Variants in OLAH observed in about 807,000 individuals in gnomAD.
OLAH encodes oleoyl-ACP hydrolase.
In OLAH, 33 loss-of-function variants were observed where a neutral mutation model predicts 27.8. That is an observed-to-expected ratio of 1.19 (90% CI 0.90 to 1.59). OLAH has a LOEUF of 1.59. OLAH is among the 40% of genes most tolerant of loss of function. OLAH has a pLI of 0.00. For synonymous variants in OLAH, 120 were observed against 102.9 expected (o/e 1.17, Z -1.01); for missense variants, 359 against 310.8 (o/e 1.16, Z -1.17).
Position 15,065,665 on chromosome 10 carries a change from AC to A in OLAH, c.489del (p.Lys164SerfsTer10), listed in dbSNP as rs774581354. On this transcript the variant is annotated frameshift_variant, in exon 6 of 8. Coordinates refer to ENST00000378228, the MANE Select transcript of OLAH (RefSeq NM_001039702.3). LOFTEE classifies it high-confidence loss of function. ...TCATTACCTTATGGAATTTGGAGGC[AC>A]CCCCAAGCATTTTGCTGAAGCCAAG... ...ISHYLMEFGGTPKHFAEAKEF... is the reference protein window; with the variant it reads ...ISHYLMEFGGXPKHFAEAKEF... 5 of 1,614,120 alleles carry A rather than the reference AC, an allele frequency of 3.1e-6. No homozygotes were observed. The highest frequency in any genetic ancestry group is 4.2e-6 in the Non-Finnish European group (5 of 1,179,980).
At chr10:15,064,604 G>A (rs1844431081) in intron 5 of OLAH, 102 bp downstream of exon 5, 1 of 643,554 alleles carries the variant, frequency 1.6e-6, no homozygotes, top group Non-Finnish European at 2.6e-6. Flanking sequence ...GGTCCAGTAT[G>A]ATGATGATGG....
chr10:15,070,528 A>C (rs778537880), intron 6 of OLAH, among the ~76,000 whole-genome samples: 15 of 152,192 alleles, frequency 9.9e-5, no homozygotes, highest in South Asian at 2.1e-4. Flanking sequence ...CTTGTTGACC[A>C]GGCTGGAGTG....
At chr10:15,040,687 T>C (rs1052717060), upstream of OLAH, among the ~76,000 whole-genome samples, 11 of 152,076 alleles carry the variant, frequency 7.2e-5, no homozygotes, top group Admixed American at 7.2e-4. Flanking sequence ...ATTCATTTAT[T>C]GTTCATTCCA....
intron 3 of OLAH, chr10:15,056,998 T>C (rs1844259332): frequency 2.9e-6 from 4 of 1,402,750 alleles, no homozygotes; most frequent in Non-Finnish European, 3.8e-6. Flanking sequence ...TTTTTTGTGT[T>C]GAAAATGTCT....
chr10:15,069,156 G>C (rs1347346807), intron 6 of OLAH, among the ~76,000 whole-genome samples: 3 of 152,076 alleles, frequency 2.0e-5, no homozygotes, highest in East Asian at 3.9e-4. Flanking sequence ...CCCGTGCCTG[G>C]GTTCTGTGAG....
chr10:15,055,998 T>A lies in OLAH; in HGVS notation c.164-5726T>A, dbSNP rs919020500. Among the ~76,000 whole-genome samples, 3 of 152,082 alleles carry A rather than the reference T, an allele frequency of 2.0e-5. No homozygotes were observed. The East Asian group carries it at 5.8e-4, about 29-fold the overall frequency. ...CCAAGTATCTGGGATTATAGGCATG[T>A]ACCACTATGCCCAGCTAATTTTTGT... On this transcript the variant is annotated intron_variant, in intron 3 of 7. Transcript: ENST00000378228.
intron 3 of OLAH, among the ~76,000 whole-genome samples, chr10:15,056,287 C>T (rs1357504444): frequency 6.6e-6 from 1 of 151,902 alleles, no homozygotes; most frequent in East Asian, 1.9e-4. Context: ...TTATACATGT[C>T]TTCTTATATA....
chr10:15,035,751 G>A (rs1229625760), intron 1 of OLAH, among the ~76,000 whole-genome samples: 3 of 152,186 alleles, frequency 2.0e-5, no homozygotes, highest in African/African-American at 7.2e-5. Context: ...GGGAAGCACA[G>A]AGGTAGATCT....
intron 3 of OLAH, among the ~76,000 whole-genome samples, chr10:15,058,275 T>C (rs1235398504): frequency 5.3e-5 from 8 of 152,200 alleles, no homozygotes; most frequent in Non-Finnish European, 7.3e-5. Flanking sequence ...AAGTTTTTCG[T>C]GCACATGGGG....
intron 7 of OLAH, 84 bp from the exon 8 acceptor site, chr10:15,073,003 T>G (rs1402051283): frequency 7.6e-7 from 1 of 1,310,882 alleles, no homozygotes. Context: ...CTTCAGGGTG[T>G]CAGCTCTTAA....
At chr10:15,037,086 A>T (rs1354033078) in intron 1 of OLAH, among the ~76,000 whole-genome samples, 1 of 151,930 alleles carries the variant, frequency 6.6e-6, no homozygotes, top group Non-Finnish European at 1.5e-5. Flanking sequence ...CTCAAAATAA[A>T]TAAATCAACA....
upstream of OLAH, among the ~76,000 whole-genome samples, chr10:15,041,376 C>G (rs1295445240): frequency 1.3e-5 from 2 of 150,078 alleles, no homozygotes; most frequent in African/African-American, 2.5e-5. Flanking sequence ...CCTCCCAGGT[C>G]CAAGCGATTC....
At chr10:15,034,824 C>T (rs1374909403) in intron 1 of OLAH, among the ~76,000 whole-genome samples, 4 of 132,284 alleles carry the variant, frequency 3.0e-5, no homozygotes, top group African/African-American at 8.7e-5. Flanking sequence ...TTTTTTGAGA[C>T]GGGTCTTGCT....
intron 3 of OLAH, among the ~76,000 whole-genome samples, chr10:15,061,147 C>T (rs1314116488): frequency 6.6e-6 from 1 of 152,124 alleles, no homozygotes; most frequent in African/African-American, 2.4e-5. Context: ...TGCATAAATA[C>T]AAGGCTTTGT....
intron 3 of OLAH, among the ~76,000 whole-genome samples, chr10:15,058,956 C>T (rs865974888): frequency 7.7e-4 from 100 of 130,012 alleles, no homozygotes; most frequent in East Asian, 1.2e-3. Flanking sequence ...CCCTTCCCTC[C>T]CTCCTTCCCT....
intron 3 of OLAH, among the ~76,000 whole-genome samples, chr10:15,059,709 G>A (rs112207302): frequency 0.014 from 2,124 of 152,272 alleles, 17 homozygotes; most frequent in Non-Finnish European, 0.022. Context: ...GGGAGGGTGA[G>A]GCAGGAGAAT....
chr10:15,055,122 G>A (rs574750992), intron 3 of OLAH, among the ~76,000 whole-genome samples: 8 of 152,182 alleles, frequency 5.3e-5, no homozygotes, highest in African/African-American at 1.9e-4. Context: ...ATGCCACCAC[G>A]CCCGGCTAAT....
intron 6 of OLAH, among the ~76,000 whole-genome samples, chr10:15,066,736 G>T: frequency 6.6e-6 from 1 of 151,934 alleles, no homozygotes; most frequent in East Asian, 1.9e-4. Flanking sequence ...CGTCTTCCAG[G>T]TTCAAGCGAT....
intron 1 of OLAH, among the ~76,000 whole-genome samples, chr10:15,044,468 A>G (rs1375343367): frequency 6.6e-6 from 1 of 150,444 alleles, no homozygotes; most frequent in Non-Finnish European, 1.5e-5. Context: ...TTTTTTTTAA[A>G]TTTTGAGATA....
Sources: allele counts gnomAD v4.1 joint callset (sites outside exome capture counted in the v4.1 genomes callset), GRCh38; gene constraint gnomAD v4.1.1; transcripts MANE v1.5; gene names NCBI Gene and HGNC (gene_info 2026-07-23, HGNC 2026-07-21).